The following C21orf91 variants were observed in gnomAD, a reference collection of about 807,000 sequenced individuals.
The protein encoded by C21orf91 is chromosome 21 open reading frame 91.
Under a neutral mutation model 32.9 loss-of-function variants are expected in C21orf91, and 26 were observed. The ratio of observed to expected loss-of-function variants is 0.79; its 90% confidence interval spans 0.58 to 1.10. The LOEUF (loss-of-function observed/expected upper bound fraction) is 1.10. Ranked by LOEUF, C21orf91 falls within the 50% of genes least tolerant of loss-of-function variation. C21orf91 has a pLI of 0.00. For missense variants in C21orf91, 310 were observed against 341.3 expected (o/e 0.91, Z 0.72); for synonymous variants, 126 against 120.4 (o/e 1.05, Z -0.31).
At chr21:17,800,890 G>A (rs555406032) in intron 2 of C21orf91, among the ~76,000 whole-genome samples, 1 of 151,974 alleles carries the variant, frequency 6.6e-6, no homozygotes, top group South Asian at 2.1e-4. Flanking sequence ...TTTAAAGTAT[G>A]GGTTTCTTAA....
intron 2 of C21orf91, 43 bp downstream of exon 2, chr21:17,818,149 G>GT: frequency 6.6e-7 from 1 of 1,505,308 alleles, no homozygotes; most frequent in South Asian, 1.2e-5. Context: ...AAGCAGCTGT[G>GT]TTAAATTCAT....
chr21:17,806,509 G>C (rs963269631), intron 2 of C21orf91, among the ~76,000 whole-genome samples: 4 of 24,310 alleles, frequency 1.6e-4, no homozygotes, highest in Non-Finnish European at 2.5e-4. Flanking sequence ...TGATGAGTTA[G>C]TAAAAAAAAA....
In C21orf91 at chr21:17,795,762, T is replaced by C. The variant is rs377355386; in HGVS notation, c.665-492A>G. 7.9e-5 allele frequency among the ~76,000 whole-genome samples: 12 copies of C among 152,304 alleles called. No homozygotes were observed. In the South Asian group the frequency reaches 8.3e-4, roughly 11 times the overall value. Reference sequence around the variant, plus strand: ...TGCTGGGATTATAGGTGTGAGCCACTGTGCCTGGCCAGAAACATATTTTTT... The same window carrying C: ...TGCTGGGATTATAGGTGTGAGCCACCGTGCCTGGCCAGAAACATATTTTTT... On this transcript the variant is annotated intron_variant, in intron 3 of 4. Coordinates refer to ENST00000284881, the MANE Select transcript of C21orf91 (RefSeq NM_001100420.2).
intron 1 of C21orf91, among the ~76,000 whole-genome samples, chr21:17,818,698 C>T (rs1048829223): frequency 6.6e-6 from 1 of 152,260 alleles, no homozygotes; most frequent in Non-Finnish European, 1.5e-5. Flanking sequence ...GTTCTGTCAA[C>T]CTAGTTAACG....
At chr21:17,805,972 A>G (rs1222544076) in intron 2 of C21orf91, among the ~76,000 whole-genome samples, 2 of 48,714 alleles carry the variant, frequency 4.1e-5, no homozygotes, top group South Asian at 6.6e-4. Context: ...AAAACACAAC[A>G]AAGTTTCCTA....
chr21:17,793,553 C>T lies in C21orf91; in HGVS notation c.756G>A (p.Val252=). Residue 252 remains valine, a synonymous_variant, in exon 5 of 5, where the codon GTG becomes GTA. Transcript: ENST00000284881. ...QEVFEELTHQ[V]QEKDSLASQL... ...GTGAGGCCAAAGAATCTTTTTCTTGCACTTGGTGAGTTAACTCTTCAAAAA... is the reference window on the plus strand; with the variant it reads ...GTGAGGCCAAAGAATCTTTTTCTTGTACTTGGTGAGTTAACTCTTCAAAAA... 1.2e-6 allele frequency: 2 copies of T among 1,612,744 alleles called. No homozygotes were observed. Among genetic ancestry groups the T allele is most frequent in the South Asian group, 1.1e-5 (1 of 90,966 alleles).
At chr21:17,817,957 A>G (rs936149726) in intron 2 of C21orf91, 2 of 334,492 alleles carry the variant, frequency 6.0e-6, no homozygotes, top group Non-Finnish European at 1.1e-5. Context: ...TTATTTCTGT[A>G]TTAGGAAAAA....
At position 17,796,738 on chromosome 21, in the gene C21orf91, A is replaced by T. The variant is rs764345412; in HGVS notation, c.508T>A (p.Phe170Ile). 6.2e-7 allele frequency: 1 copy of T among 1,614,182 alleles called. No homozygotes were observed. Among genetic ancestry groups the T allele is most frequent in the South Asian group, 1.1e-5 (1 of 91,086 alleles). Reference sequence around the variant, plus strand: ...GAATCTTGTAACATAGAAAGTCCAAAGTCTGTATTTTCCCTCTGCTCCAAA... The same window carrying T: ...GAATCTTGTAACATAGAAAGTCCAATGTCTGTATTTTCCCTCTGCTCCAAA... The part of the protein sequence containing the change: ...RILEQRENTD[F>I]GLSMLQDSGA... Residue 170 changes from phenylalanine (F) to isoleucine (I), a missense_variant, in exon 3 of 5, where the codon TTT (phenylalanine) becomes ATT (isoleucine). Phe to Ile is a conservative substitution (Grantham distance 21, BLOSUM62 0). Coordinates refer to ENST00000284881, the MANE Select transcript of C21orf91 (RefSeq NM_001100420.2).
chr21:17,793,675 G>A (rs761976338), intron 4 of C21orf91, 94 bp from the exon 5 acceptor site: 2 of 770,862 alleles, frequency 2.6e-6, no homozygotes, highest in Non-Finnish European at 4.2e-6. Flanking sequence ...TATGCATTGG[G>A]CAAAGTGTCA....
intron 4 of C21orf91, 92 bp from the exon 5 acceptor site, chr21:17,793,673 G>C (rs975623905): frequency 1.3e-6 from 1 of 782,670 alleles, no homozygotes; most frequent in African/African-American, 1.7e-5. Flanking sequence ...TCTATGCATT[G>C]GGCAAAGTGT....
chr21:17,802,877 T>C (rs1353753577), intron 2 of C21orf91, among the ~76,000 whole-genome samples: 1 of 152,226 alleles, frequency 6.6e-6, no homozygotes, highest in Non-Finnish European at 1.5e-5. Flanking sequence ...GATTACATAT[T>C]CCATTTCCCA....
rs76594782 is a variant in C21orf91 at position 17,798,354 on chromosome 21, G to A, written c.128-1236C>T. 2.5e-3 allele frequency among the ~76,000 whole-genome samples: 376 copies of A among 152,236 alleles called. 10 individuals are homozygous for A. The East Asian group carries it at 0.068, about 28-fold the overall frequency. ...ATTAATGTTTTTAAAAATATATATA[G>A]TATCAGCCAATGGTGGGACTTGATG... On this transcript the variant is annotated intron_variant, in intron 2 of 4. Coordinates refer to ENST00000284881, the MANE Select transcript of C21orf91 (RefSeq NM_001100420.2).
chr21:17,806,743 G>A (rs1385306396), intron 2 of C21orf91, among the ~76,000 whole-genome samples: 2 of 152,172 alleles, frequency 1.3e-5, no homozygotes, highest in African/African-American at 2.4e-5. Flanking sequence ...GGGAGGCTGA[G>A]GCAGAAGAAT....
chr21:17,814,292 T>C (rs2062651417), intron 2 of C21orf91, among the ~76,000 whole-genome samples: 1 of 152,172 alleles, frequency 6.6e-6, no homozygotes. Context: ...TTAGAGATTT[T>C]AGCAGTTTGA....
In C21orf91 at chr21:17,801,087, A is replaced by C. The variant is rs574801000; in HGVS notation, c.128-3969T>G. Among the ~76,000 whole-genome samples the C allele has an allele frequency of 2.0e-5, 3 of 152,300 alleles. No individual in the cohort carries two copies. In the South Asian group the frequency reaches 6.2e-4, roughly 32 times the overall value. On this transcript the variant is annotated intron_variant, in intron 2 of 4. Transcript: ENST00000284881. ...AGGATTAAAAATCATTCTACTATAA[A>C]GACACATGCATATGTATGTTTACTG...
intron 2 of C21orf91, among the ~76,000 whole-genome samples, chr21:17,814,778 C>T (rs961286467): frequency 6.6e-6 from 1 of 152,176 alleles, no homozygotes. Context: ...ATGATCCGAT[C>T]ACCTAATACC....
chr21:17,813,848 G>T (rs1337253044), intron 2 of C21orf91: 1 of 152,128 alleles, frequency 6.6e-6, no homozygotes, highest in East Asian at 1.9e-4. Context: ...TTATAAAAAA[G>T]TTTTAGCTAG....
chr21:17,792,562 T>C lies in C21orf91; in HGVS notation c.*853A>G, dbSNP rs987107172. 6.6e-6 allele frequency: 1 copy of C among 152,182 alleles called. No individual in the cohort carries two copies. The highest frequency in any genetic ancestry group is 1.5e-5 in the Non-Finnish European group (1 of 68,014). 9.4% of individuals were successfully genotyped at this position (152,182 alleles called of 1,614,324 possible). ...TTTGAATTGGAAGTGAGGCTTGACT[T>C]ACTCTGTCCAAATTCTAATGCATCA... On this transcript the variant is annotated 3_prime_UTR_variant, in exon 5 of 5. Coordinates refer to ENST00000284881, the MANE Select transcript of C21orf91 (RefSeq NM_001100420.2).
In C21orf91 at chr21:17,791,348, T is replaced by G. The variant is rs373960060; in HGVS notation, c.*2067A>C. 1 of 152,162 alleles carries G rather than the reference T, an allele frequency of 6.6e-6. No homozygotes were observed. The highest frequency in any genetic ancestry group is 1.5e-5 in the Non-Finnish European group (1 of 67,964). The allele number at this position is 152,162 out of a possible 1,614,324, so 9.4% of individuals were successfully genotyped here. A position where few individuals can be genotyped will look rare whatever the true frequency, so the allele number is the denominator to read the frequency against. ...TAAATCAGAGTCCCACTTAAGACCT[T>G]AGCACATGCACACGTTCATCCACTT... is the stretch of plus-strand genomic sequence containing the variant. On this transcript the variant is annotated 3_prime_UTR_variant, in exon 5 of 5. Coordinates refer to ENST00000284881, the MANE Select transcript of C21orf91 (RefSeq NM_001100420.2).
Sources: allele counts gnomAD v4.1 joint callset (sites outside exome capture counted in the v4.1 genomes callset), GRCh38; gene constraint gnomAD v4.1.1; transcripts MANE v1.5; gene names NCBI Gene and HGNC (gene_info 2026-07-23, HGNC 2026-07-21).